ZBTB20: variants seen among roughly 807,000 people sequenced by gnomAD.
ZBTB20 encodes the protein zinc finger and BTB domain containing 20.
In ZBTB20, 9 loss-of-function variants were observed where a neutral mutation model predicts 56.9. That is an observed-to-expected ratio of 0.16 (90% CI 0.10 to 0.28). The LOEUF is 0.28. Ranked by LOEUF, ZBTB20 falls within the 10% of genes least tolerant of loss-of-function variation. ZBTB20 has a pLI of 1.00. For missense variants in ZBTB20, 655 were observed against 1,003.0 expected (o/e 0.65, Z 4.69); for synonymous variants, 417 against 420.7 (o/e 0.99, Z 0.11).
intron 11 of ZBTB20, among the ~76,000 whole-genome samples, chr3:114,348,368 T>C (rs2080365931): frequency 6.6e-6 from 1 of 152,350 alleles, no homozygotes; most frequent in East Asian, 1.9e-4. Flanking sequence ...CAGCACTCTA[T>C]AAATCATAAG....
chr3:114,369,633 A>C (rs1397768482), intron 10 of ZBTB20, among the ~76,000 whole-genome samples: 1 of 152,186 alleles, frequency 6.6e-6, no homozygotes, highest in East Asian at 1.9e-4. Context: ...AATGTCTTGG[A>C]CCATCACAGA....
rs2079576357 is a variant in ZBTB20 at position 114,339,151 on chromosome 3, C to T, written c.2080G>A (p.Gly694Ser). 1.2e-6 allele frequency: 2 copies of T among 1,613,912 alleles called. No individual in the cohort carries two copies. Among genetic ancestry groups the T allele is most frequent in the Non-Finnish European group, 1.7e-6 (2 of 1,179,802 alleles). The change falls in exon 12 of 12, where the codon GGC (glycine) becomes AGC (serine). Residue 694 changes from glycine (G) to serine (S), a missense_variant. This residue lies in a region of ZBTB20 where 89 missense variants were observed against 79.7 expected (regional missense o/e 1.12). Coordinates refer to ENST00000675478, the MANE Select transcript of ZBTB20 (RefSeq NM_001348800.3). The surrounding 1 kb of genome is among the most constrained non-coding windows in gnomAD (Gnocchi z 4.2). ...CCAGCGCGGGCACCTGGGGGTGTGC[C>T]TGCAGGGGGGGTCCCATTGCTGGCA... is the stretch of plus-strand genomic sequence containing the variant. Reference protein sequence around the residue: ...HSASNGTPPAGTPPGARAGPP... With the variant: ...HSASNGTPPASTPPGARAGPP...
At chr3:114,998,227 A>G (rs1041235232) in intron 2 of ZBTB20, among the ~76,000 whole-genome samples, 9 of 151,740 alleles carry the variant, frequency 5.9e-5, no homozygotes, top group African/African-American at 1.4e-4. Flanking sequence ...AGTACAATAA[A>G]ATAAACAACA....
chr3:115,053,017 A>G (rs2081611229), intron 2 of ZBTB20, among the ~76,000 whole-genome samples: 1 of 152,182 alleles, frequency 6.6e-6, no homozygotes, highest in South Asian at 2.1e-4. Context: ...GCTAATCTGA[A>G]TGCTGACATC....
At chr3:114,427,179 A>C (rs1019841913) in intron 7 of ZBTB20, among the ~76,000 whole-genome samples, 1 of 152,214 alleles carries the variant, frequency 6.6e-6, no homozygotes, top group Non-Finnish European at 1.5e-5. Flanking sequence ...AAATAATACC[A>C]AAATGAGAGT....
chr3:114,415,833 A>G (rs2088492207), intron 7 of ZBTB20, among the ~76,000 whole-genome samples: 1 of 152,104 alleles, frequency 6.6e-6, no homozygotes, highest in South Asian at 2.1e-4. Context: ...TTGTGCTACA[A>G]GAACAATCTT....
chr3:114,804,665 TGAGA>T (rs766763402), intron 4 of ZBTB20, among the ~76,000 whole-genome samples: 1 of 151,914 alleles, frequency 6.6e-6, no homozygotes, highest in Non-Finnish European at 1.5e-5. Context: ...TTCAAATATA[TGAGA>T]GAGGGCAGAA....
intron 6 of ZBTB20, among the ~76,000 whole-genome samples, chr3:114,612,816 T>C (rs1016399332): frequency 6.6e-6 from 1 of 152,166 alleles, no homozygotes; most frequent in Non-Finnish European, 1.5e-5. Context: ...ATAAGAAGCA[T>C]AATGAAAGGC....
At chr3:115,140,308 T>C (rs548480804) in intron 1 of ZBTB20, among the ~76,000 whole-genome samples, 2 of 152,188 alleles carry the variant, frequency 1.3e-5, no homozygotes, top group Middle Eastern at 3.4e-3. Context: ...ATTGAAAAGG[T>C]AGATATTGTC....
rs986723439 is a variant in ZBTB20 at position 114,331,658 on chromosome 3, C to T, written c.*7347G>A. On this transcript the variant is annotated 3_prime_UTR_variant, in exon 12 of 12. Transcript: ENST00000675478. ...GCACTCTACTCCACATAAGCATATT[C>T]AAGTTTCTCATGAAACGGATACATA... 6.6e-6 allele frequency: 1 copy of T among 152,190 alleles called. No homozygotes were observed. The highest frequency in any genetic ancestry group is 2.4e-5 in the African/African-American group (1 of 41,436). The allele number at this position is 152,190 out of a possible 1,614,324, so 9.4% of individuals were successfully genotyped here.
chr3:115,029,728 A>T (rs2080586354), intron 2 of ZBTB20, among the ~76,000 whole-genome samples: 1 of 150,830 alleles, frequency 6.6e-6, no homozygotes, highest in Non-Finnish European at 1.5e-5. Context: ...CACACTGTAT[A>T]TCAAAATAAA....
Position 114,339,341 on chromosome 3 carries a change from T to C in ZBTB20, c.1890A>G (p.Gly630=), listed in dbSNP as rs1485191050. 2 of 1,614,172 alleles carry C rather than the reference T, an allele frequency of 1.2e-6. No individual in the cohort carries two copies. The highest frequency in any genetic ancestry group is 1.7e-6 in the Non-Finnish European group (2 of 1,180,032). ...YLIKHMVTHT[G]VRAYQCSICN... Reference sequence around the variant, plus strand: ...AGATACTACACTGGTATGCCCTCACTCCTGTGTGTGTCACCATGTGCTTGA... The same window carrying C: ...AGATACTACACTGGTATGCCCTCACCCCTGTGTGTGTCACCATGTGCTTGA... Residue 630 remains glycine, a synonymous_variant, in exon 12 of 12, where the codon GGA becomes GGG. Transcript: ENST00000675478. The surrounding 1 kb of genome is among the most constrained non-coding windows in gnomAD (Gnocchi z 4.2).
At chr3:114,663,374 A>C (rs2108097463) in intron 6 of ZBTB20, among the ~76,000 whole-genome samples, 1 of 150,910 alleles carries the variant, frequency 6.6e-6, no homozygotes, top group African/African-American at 2.4e-5. Context: ...GCCCTAAAAG[A>C]GCTCCTGAAG....
intron 1 of ZBTB20, among the ~76,000 whole-genome samples, chr3:115,144,004 C>T (rs1035377708): frequency 2.6e-5 from 4 of 152,202 alleles, no homozygotes; most frequent in Non-Finnish European, 5.9e-5. Flanking sequence ...AGAATGTAAG[C>T]TCCACAAGGG....
chr3:114,578,859 A>G (rs1358034174), intron 6 of ZBTB20, among the ~76,000 whole-genome samples: 1 of 151,828 alleles, frequency 6.6e-6, no homozygotes, highest in African/African-American at 2.4e-5. Context: ...TGGTAGGCAT[A>G]GTAATATCTA....
intron 1 of ZBTB20, among the ~76,000 whole-genome samples, chr3:115,146,719 GC>G (rs2084988607): frequency 1.3e-5 from 2 of 152,182 alleles, no homozygotes; most frequent in Non-Finnish European, 2.9e-5. Context: ...GCCACGGCAA[GC>G]GGGGGAGGGC....
intron 7 of ZBTB20, among the ~76,000 whole-genome samples, chr3:114,499,754 T>C (rs1399790150): frequency 6.6e-6 from 1 of 152,214 alleles, no homozygotes; most frequent in African/African-American, 2.4e-5. Flanking sequence ...CCCGAATACC[T>C]TTCCATCTTT....
chr3:115,146,012 G>A (rs1360592160), intron 1 of ZBTB20, among the ~76,000 whole-genome samples: 1 of 152,092 alleles, frequency 6.6e-6, no homozygotes, highest in Non-Finnish European at 1.5e-5. Flanking sequence ...ATTTTTAATA[G>A]AAAAAACAGT....
At chr3:114,542,843 C>T (rs536904028) in intron 6 of ZBTB20, among the ~76,000 whole-genome samples, 4 of 152,256 alleles carry the variant, frequency 2.6e-5, no homozygotes, top group Admixed American at 2.6e-4. Context: ...CTTCAAAAGA[C>T]TGGTAACTTA....
Sources: gnomAD v4.1 joint callset for allele counts (sites outside exome capture counted in the v4.1 genomes callset) on GRCh38, gnomAD v4.1.1 for gene constraint, gnomAD v4.1.1 regional missense constraint, Gnocchi (gnomAD v3.1) non-coding constraint, MANE v1.5 for transcripts, NCBI Gene and HGNC (gene_info 2026-07-23, HGNC 2026-07-21) for gene names.